Variants in CSNK1A1 observed in about 807,000 individuals in gnomAD.
CSNK1A1 encodes the protein casein kinase 1 alpha 1.
Under a neutral mutation model 46.1 loss-of-function variants are expected in CSNK1A1, and 7 were observed. The observed-to-expected ratio is 0.15, with a 90% CI of 0.09 to 0.29. The LOEUF is 0.29. Ranked by LOEUF, CSNK1A1 falls within the 10% of genes least tolerant of loss-of-function variation. The pLI, the probability that CSNK1A1 is intolerant of heterozygous loss-of-function variation, is 1.00. For synonymous variants in CSNK1A1, 137 were observed against 141.5 expected, an observed-to-expected ratio of 0.97 and a Z score of 0.23; for missense variants, 96 against 417.1, an observed-to-expected ratio of 0.23 and a Z score of 6.71.
intron 9 of CSNK1A1, among the ~76,000 whole-genome samples, chr5:149,500,206 T>C (rs1439176551): frequency 5.8e-5 from 8 of 138,846 alleles, no homozygotes; most frequent in Non-Finnish European, 9.5e-5. Context: ...GGCGCGATCT[T>C]GGCTCACTGC....
intron 2 of CSNK1A1, among the ~76,000 whole-genome samples, chr5:149,535,286 A>G (rs1340972447): frequency 1.3e-5 from 2 of 152,264 alleles, no homozygotes; most frequent in East Asian, 3.9e-4. Context: ...TATCACTTAC[A>G]TGCTGATCTT....
At chr5:149,528,275 AT>A (rs1306998186) in intron 2 of CSNK1A1, among the ~76,000 whole-genome samples, 4 of 152,202 alleles carry the variant, frequency 2.6e-5, no homozygotes, top group African/African-American at 9.6e-5. Context: ...CTAAAAAAAA[AT>A]AAGCGTCTCA....
At chr5:149,536,439 A>C (rs1033653603) in intron 2 of CSNK1A1, among the ~76,000 whole-genome samples, 24 of 152,270 alleles carry the variant, frequency 1.6e-4, no homozygotes, top group Non-Finnish European at 2.9e-5. Flanking sequence ...TCTAGATAAG[A>C]AACTGTAGAC....
chr5:149,532,981 G>A (rs1008526593), intron 2 of CSNK1A1, among the ~76,000 whole-genome samples: 5 of 152,116 alleles, frequency 3.3e-5, no homozygotes, highest in African/African-American at 4.8e-5. Context: ...CAGCAATAAC[G>A]TAGTCAACTA....
intron 9 of CSNK1A1, chr5:149,502,656 T>G: frequency 1.0e-6 from 1 of 981,302 alleles, no homozygotes; most frequent in Non-Finnish European, 1.2e-6. Flanking sequence ...ATAACAGGCA[T>G]GAGCCACTGC....
At chr5:149,497,741 A>C in intron 9 of CSNK1A1, 1 of 985,372 alleles carries the variant, frequency 1.0e-6, no homozygotes, top group Non-Finnish European at 1.2e-6. Flanking sequence ...ATGAGCTAGA[A>C]ACTATAGCTC....
At chr5:149,537,144 G>A (rs562959772) in intron 2 of CSNK1A1, among the ~76,000 whole-genome samples, 2 of 152,186 alleles carry the variant, frequency 1.3e-5, no homozygotes, top group Non-Finnish European at 2.9e-5. Flanking sequence ...GGGAGGCTGA[G>A]GCAGGTGGAT....
chr5:149,505,268 G>A (rs1194314206), intron 9 of CSNK1A1, 179 bp downstream of exon 9: 1 of 1,395,968 alleles, frequency 7.2e-7, no homozygotes, highest in African/African-American at 1.5e-5. Flanking sequence ...TATGAACAAG[G>A]ACATTTGGGT....
At chr5:149,547,681 T>A (rs1762523290) in intron 2 of CSNK1A1, among the ~76,000 whole-genome samples, 1 of 152,146 alleles carries the variant, frequency 6.6e-6, no homozygotes, top group South Asian at 2.1e-4. Flanking sequence ...AGGTTTTTTT[T>A]TTAAAGGCAA....
intron 2 of CSNK1A1, among the ~76,000 whole-genome samples, chr5:149,539,599 G>A (rs1412033017): frequency 6.6e-6 from 1 of 151,982 alleles, no homozygotes; most frequent in East Asian, 1.9e-4. Flanking sequence ...ATATTTTGGG[G>A]ATTAATAACA....
At chr5:149,499,085 A>T in intron 9 of CSNK1A1, 2 of 985,372 alleles carry the variant, frequency 2.0e-6, no homozygotes, top group Non-Finnish European at 2.4e-6. Context: ...TTGTCCTAAG[A>T]TGTTACTGAA....
intron 2 of CSNK1A1, among the ~76,000 whole-genome samples, chr5:149,537,598 C>A (rs1762098762): frequency 6.6e-6 from 1 of 151,172 alleles, no homozygotes; most frequent in African/African-American, 2.4e-5. Flanking sequence ...ACAAACAAAA[C>A]AAAACAAAGA....
chr5:149,531,911 TCTCA>T (rs1485882419), intron 2 of CSNK1A1, among the ~76,000 whole-genome samples: 3 of 151,930 alleles, frequency 2.0e-5, no homozygotes, highest in Non-Finnish European at 2.9e-5. Context: ...TGAGACAGGA[TCTCA>T]CTGTGTCGCC....
chr5:149,519,614 C>A (rs1442287218), intron 4 of CSNK1A1, among the ~76,000 whole-genome samples: 2 of 152,298 alleles, frequency 1.3e-5, no homozygotes, highest in South Asian at 4.1e-4. Context: ...AGTTGAACCA[C>A]TCTCAGAGAC....
chr5:149,523,060 A>G (rs1201773064), intron 3 of CSNK1A1, among the ~76,000 whole-genome samples: 1 of 103,888 alleles, frequency 9.6e-6, no homozygotes, highest in Non-Finnish European at 2.0e-5. Context: ...TTTTTTTTTG[A>G]GACAGAGTCT....
chr5:149,497,341 A>C (rs750854582), intron 9 of CSNK1A1: 30 of 987,120 alleles, frequency 3.0e-5, no homozygotes, highest in Non-Finnish European at 3.2e-5. Context: ...ATTTTACTAA[A>C]CAAAGACCTG....
At chr5:149,496,936 T>A (rs1471153791) in intron 9 of CSNK1A1, 76 bp from the exon 10 acceptor site, 2 of 1,521,716 alleles carry the variant, frequency 1.3e-6, no homozygotes, top group Non-Finnish European at 8.8e-7. Flanking sequence ...AATATGGAAA[T>A]TGGGTGGAAC....
intron 9 of CSNK1A1, chr5:149,503,565 T>C (rs377373721): frequency 1.0e-6 from 1 of 984,594 alleles, no homozygotes; most frequent in Non-Finnish European, 1.2e-6. Context: ...AATGTCACTA[T>C]AAAATTTTTA....
intron 3 of CSNK1A1, among the ~76,000 whole-genome samples, chr5:149,524,384 T>C (rs1176491095): frequency 6.6e-6 from 1 of 152,182 alleles, no homozygotes; most frequent in African/African-American, 2.4e-5. Flanking sequence ...TATTTACCAA[T>C]CATTACCTTA....
Sources: gnomAD v4.1 joint callset for allele counts (sites outside exome capture counted in the v4.1 genomes callset) on GRCh38, gnomAD v4.1.1 for gene constraint, MANE v1.5 for transcripts, NCBI Gene and HGNC (gene_info 2026-07-23, HGNC 2026-07-21) for gene names.